The following LHX8 variants were observed in gnomAD, a reference collection of about 807,000 sequenced individuals.
The protein encoded by LHX8 is LIM/homeobox protein Lhx8.
LHX8 carries 12 observed loss-of-function variants against 40.3 expected under a neutral mutation model. The ratio of observed to expected loss-of-function variants is 0.30; its 90% CI spans 0.19 to 0.48. The LOEUF (loss-of-function observed/expected upper bound fraction) is 0.48, where lower values mean the gene tolerates loss of function less well. Ranked by LOEUF, LHX8 falls within the 20% of genes least tolerant of loss-of-function variation. The pLI, the probability that LHX8 is intolerant of heterozygous loss-of-function variation, is 0.99. For synonymous variants in LHX8, 179 were observed against 162.0 expected (o/e 1.10, Z -0.80); for missense variants, 344 against 433.7 (o/e 0.79, Z 1.84).
intron 4 of LHX8, among the ~76,000 whole-genome samples, chr1:75,141,704 T>C (rs140943157): frequency 1.5e-3 from 221 of 152,286 alleles, no homozygotes; most frequent in African/African-American, 5.2e-3. Context: ...CTGCGTGTGA[T>C]CTCTGTGTAG....
chr1:75,162,311 C>T (rs1382763903), downstream of LHX8, among the ~76,000 whole-genome samples: 2 of 151,826 alleles, frequency 1.3e-5, no homozygotes, highest in African/African-American at 4.8e-5. Context: ...AGAAGTCAAC[C>T]CATCTAATCT....
chr1:75,177,017 TG>T, the LHX8 span, among the ~76,000 whole-genome samples: 1 of 152,212 alleles, frequency 6.6e-6, no homozygotes, highest in Non-Finnish European at 1.5e-5. Flanking sequence ...AGCTCTGTTC[TG>T]TTCCATTGGT....
At chr1:75,172,791 T>C in the LHX8 span, among the ~76,000 whole-genome samples, 1 of 152,196 alleles carries the variant, frequency 6.6e-6, no homozygotes, top group African/African-American at 2.4e-5. Flanking sequence ...CTTCCAGCTT[T>C]TCCTTAGAAA....
chr1:75,182,454 A>G, the LHX8 span, among the ~76,000 whole-genome samples: 93 of 144,830 alleles, frequency 6.4e-4, 1 homozygote, highest in Middle Eastern at 3.6e-3. Flanking sequence ...GCTCACCACA[A>G]CCTCCACCTC....
intron 4 of LHX8, among the ~76,000 whole-genome samples, chr1:75,142,024 C>CA (rs936953065): frequency 1.3e-5 from 2 of 151,782 alleles, no homozygotes; most frequent in Non-Finnish European, 2.9e-5. Context: ...TTATAATTAC[C>CA]AAAAAAGCAT....
At chr1:75,148,778 A>T in intron 7 of LHX8, 96 bp downstream of exon 7, 1 of 842,630 alleles carries the variant, frequency 1.2e-6, no homozygotes, top group Admixed American at 2.2e-5. Context: ...CTTGAGCTTA[A>T]GTGATTCTCC....
the LHX8 span, among the ~76,000 whole-genome samples, chr1:75,168,656 C>T: frequency 1.3e-5 from 2 of 152,086 alleles, no homozygotes; most frequent in African/African-American, 4.8e-5. Flanking sequence ...CCTGTTCTGG[C>T]CTCAGGTGCA....
chr1:75,142,363 A>G (rs1399079628), intron 4 of LHX8, among the ~76,000 whole-genome samples: 1 of 152,158 alleles, frequency 6.6e-6, no homozygotes, highest in Non-Finnish European at 1.5e-5. Flanking sequence ...TGTGATTGTG[A>G]TAGGAGACAT....
Position 75,155,230 on chromosome 1 carries a change from CTTTTT to C in LHX8, c.781-1645_781-1641del, listed in dbSNP as rs57009636. On this transcript the variant is annotated intron_variant, in intron 7 of 8. Coordinates refer to ENST00000356261, the MANE Select transcript of LHX8 (RefSeq NM_001256114.2). ...CAGTATTTTAATGAAGAAACACTCT[CTTTTT>C]TTTTTTTTTTTTTTTTTGAGACGGA... Among the ~76,000 whole-genome samples the C allele has an allele frequency of 9.1e-4, 86 of 94,366 alleles. 1 individual carries two copies. The Admixed American group carries it at 0.01, about 11-fold the overall frequency. 61.9% of individuals were successfully genotyped at this position (94,366 alleles called of 152,430 possible). A position where few individuals can be genotyped will look rare whatever the true frequency, so the allele number is the denominator to read the frequency against.
In LHX8 at chr1:75,136,688, T is replaced by C. The variant is rs1648147930; in HGVS notation, c.74T>C (p.Leu25Pro). 1.3e-6 allele frequency: 2 copies of C among 1,544,662 alleles called. No homozygotes were observed. The highest frequency in any genetic ancestry group is 1.4e-5 in the African/African-American group (1 of 72,910). ...CGCAAAGGCGCCGGGGAAGAGGGAC[T>C]GGTGAGTGCGGAGGGGCTCGCGTGC... ...RTRKGAGEEG[L>P]VSPEGAGDED... Residue 25 changes from leucine (L) to proline (P), a missense_variant and splice_region_variant, in exon 2 of 9, where the codon CTG (leucine) becomes CCG (proline). By Grantham distance (98) the Leu-to-Pro change is moderately conservative. Transcript: ENST00000356261.
rs771625866 is a variant in LHX8 at position 75,143,861 on chromosome 1, G to A, written c.597G>A (p.Val199=). The A allele has an allele frequency of 3.7e-6, 6 of 1,612,970 alleles. No homozygotes were observed. Among genetic ancestry groups the A allele is most frequent in the Non-Finnish European group, 4.2e-6 (5 of 1,179,260 alleles). The change falls in exon 6 of 9, where the codon GTG becomes GTA. Residue 199 remains valine (V), a synonymous_variant. Transcript: ENST00000356261. The part of the protein sequence containing the change: ...REVENGNGIS[V]EGALLTEQDV... The stretch of plus-strand genomic sequence containing the variant: ...TAAATGCAGGGAATGGGATTAGTGT[G>A]GAAGGTGCCCTCCTCACAGAGCAAG...
At chr1:75,132,999 CAAGTCTTTCT>C (rs1648014273), upstream of LHX8, 1 of 152,202 alleles carries the variant, frequency 6.6e-6, no homozygotes, top group Non-Finnish European at 1.5e-5. Context: ...ATGAAAAACA[CAAGTCTTTCT>C]GGTTCCCACG....
At chr1:75,133,960 C>A (rs1472021439), upstream of LHX8, among the ~76,000 whole-genome samples, 3 of 152,058 alleles carry the variant, frequency 2.0e-5, no homozygotes, top group African/African-American at 7.2e-5. Context: ...CTGCCAGGAG[C>A]GGTGGCATTC....
chr1:75,139,868 CAT>C (rs1358126248), intron 3 of LHX8, among the ~76,000 whole-genome samples: 1 of 152,162 alleles, frequency 6.6e-6, no homozygotes, highest in Non-Finnish European at 1.5e-5. Flanking sequence ...TCGATAGACA[CAT>C]AGTCTTTATT....
intron 7 of LHX8, among the ~76,000 whole-genome samples, chr1:75,155,273 C>G (rs542435691): frequency 8.4e-6 from 1 of 119,146 alleles, no homozygotes; most frequent in African/African-American, 3.3e-5. Flanking sequence ...CTCGCTCTGT[C>G]GCCCAGCCTG....
chr1:75,189,266 A>G, the LHX8 span, among the ~76,000 whole-genome samples: 2 of 152,232 alleles, frequency 1.3e-5, no homozygotes, highest in African/African-American at 2.4e-5. Context: ...AACAGTGAGT[A>G]AACAGAAAAT....
intron 6 of LHX8, among the ~76,000 whole-genome samples, chr1:75,147,351 C>T (rs191555770): frequency 6.6e-6 from 1 of 152,274 alleles, no homozygotes; most frequent in Admixed American, 6.5e-5. Flanking sequence ...AAGTTTTACT[C>T]TGTCAGAAAC....
At chr1:75,136,564 A>G (rs764187689) in intron 1 of LHX8, 39 bp from the exon 2 acceptor site, 96 of 1,433,350 alleles carry the variant, frequency 6.7e-5, no homozygotes, top group Non-Finnish European at 8.2e-5. Flanking sequence ...GGAACTTCTG[A>G]TCTGTTTCTC....
chr1:75,160,609 C>T (rs903083038), intron 8 of LHX8: 1 of 573,976 alleles, frequency 1.7e-6, no homozygotes, highest in Non-Finnish European at 3.1e-6. Flanking sequence ...TCTTGTGGCC[C>T]CAAATAAAGA....
Sources: gnomAD v4.1 joint callset for allele counts (sites outside exome capture counted in the v4.1 genomes callset) on GRCh38, gnomAD v4.1.1 for gene constraint, MANE v1.5 for transcripts, NCBI Gene and HGNC (gene_info 2026-07-23, HGNC 2026-07-21) for gene names.